Variants in CPM observed in about 807,000 individuals in gnomAD.
The protein encoded by CPM is carboxypeptidase M.
In CPM, 35 loss-of-function variants were observed where a neutral mutation model predicts 46.4. The ratio of observed to expected loss-of-function variants is 0.75; its 90% CI spans 0.58 to 1.00. CPM has a LOEUF of 1.00. Ranked by LOEUF, CPM falls within the 50% of genes least tolerant of loss-of-function variation. The pLI, the probability that CPM is intolerant of heterozygous loss-of-function variation, is 0.00. For missense variants in CPM, 422 were observed against 530.4 expected, an observed-to-expected ratio of 0.80 and a Z score of 2.01; for synonymous variants, 195 against 195.3, an observed-to-expected ratio of 1.00 and a Z score of 0.01.
intron 2 of CPM, among the ~76,000 whole-genome samples, chr12:68,918,756 T>A (rs1178262563): frequency 6.6e-6 from 1 of 152,052 alleles, no homozygotes; most frequent in Non-Finnish European, 1.5e-5. Flanking sequence ...CAAATCACCA[T>A]CATCAACATT....
chr12:68,953,132 A>G (rs1250702534), intron 1 of CPM, among the ~76,000 whole-genome samples: 1 of 152,202 alleles, frequency 6.6e-6, no homozygotes, highest in Non-Finnish European at 1.5e-5. Context: ...AGCACGGGAC[A>G]TTCATACCCA....
At chr12:68,916,671 A>C (rs1887816940) in intron 2 of CPM, among the ~76,000 whole-genome samples, 1 of 152,078 alleles carries the variant, frequency 6.6e-6, no homozygotes, top group Non-Finnish European at 1.5e-5. Context: ...CAGGCAGATC[A>C]CAAGGTCAGG....
intron 2 of CPM, among the ~76,000 whole-genome samples, chr12:68,920,189 C>T (rs1257537704): frequency 2.0e-5 from 3 of 152,352 alleles, no homozygotes; most frequent in Non-Finnish European, 2.9e-5. Flanking sequence ...GCTGGGGCCA[C>T]GCTTGTGCAG....
chr12:68,856,326 C>T lies in CPM; in HGVS notation c.*111G>A, dbSNP rs1274561695. On this transcript the variant is annotated 3_prime_UTR_variant, in exon 9 of 9. Transcript: ENST00000551568. ...ATCCATTTCTCTTCTTCAGGAAGATCGTGGAGTTTCTCCAGTCAAGGTCCC... is the reference window on the plus strand; with the variant it reads ...ATCCATTTCTCTTCTTCAGGAAGATTGTGGAGTTTCTCCAGTCAAGGTCCC... 2.6e-6 allele frequency: 3 copies of T among 1,167,032 alleles called. No individual in the cohort carries two copies. Among genetic ancestry groups the T allele is most frequent in the Admixed American group, 2.3e-5 (1 of 43,768 alleles). 72.3% of individuals were successfully genotyped at this position (1,167,032 alleles called of 1,614,324 possible).
chr12:68,880,519 A>G (rs900486263), intron 3 of CPM, among the ~76,000 whole-genome samples: 1 of 152,232 alleles, frequency 6.6e-6, no homozygotes, highest in Non-Finnish European at 1.5e-5. Context: ...GCAACAACTT[A>G]GTATCCATCC....
intron 3 of CPM, among the ~76,000 whole-genome samples, chr12:68,880,603 A>T (rs1886147594): frequency 6.6e-6 from 1 of 152,198 alleles, no homozygotes; most frequent in South Asian, 2.1e-4. Flanking sequence ...CATTTTAAAA[A>T]CAGAGAAGAG....
chr12:68,878,608 C>A (rs1466681702), intron 3 of CPM, among the ~76,000 whole-genome samples: 2 of 152,188 alleles, frequency 1.3e-5, no homozygotes, highest in Admixed American at 6.5e-5. Flanking sequence ...CCCCAACCCA[C>A]AAAATTATCC....
chr12:68,879,231 C>T (rs973099450), intron 3 of CPM, among the ~76,000 whole-genome samples: 1 of 152,174 alleles, frequency 6.6e-6, no homozygotes, highest in African/African-American at 2.4e-5. Context: ...ATTTTACAAG[C>T]ATATTCAATA....
chr12:68,880,218 G>A (rs1263375665), intron 3 of CPM, among the ~76,000 whole-genome samples: 4 of 152,150 alleles, frequency 2.6e-5, no homozygotes, highest in African/African-American at 7.2e-5. Flanking sequence ...TGCAAATAAT[G>A]TGTGTGCCTG....
Position 68,899,094 on chromosome 12 carries a change from A to G in CPM, c.161-13205T>C, listed in dbSNP as rs1887008066. The stretch of plus-strand genomic sequence containing the variant: ...TTATGCCAAGAGACAGCAGAAATGT[A>G]TGTGCCAGAAGATCTGCACATCAGG... On this transcript the variant is annotated intron_variant, in intron 2 of 8. Transcript: ENST00000551568. 2.0e-5 allele frequency among the ~76,000 whole-genome samples: 3 copies of G among 152,366 alleles called. No homozygotes were observed. In the South Asian group the frequency reaches 6.2e-4, roughly 32 times the overall value.
chr12:68,851,846 A>C lies in CPM; in HGVS notation c.*4591T>G, dbSNP rs1430133994. 6.6e-6 allele frequency: 1 copy of C among 152,198 alleles called. No homozygotes were observed. The allele number at this position is 152,198 out of a possible 1,614,324, so 9.4% of individuals were successfully genotyped here. A position where few individuals can be genotyped will look rare whatever the true frequency, so the allele number is the denominator to read the frequency against. Reference sequence around the variant, plus strand: ...GCTCTTTAACTAGTCTGGTCATCATAATTTTCTCCCCCTTCCCCCTTCTAA... The same window carrying C: ...GCTCTTTAACTAGTCTGGTCATCATCATTTTCTCCCCCTTCCCCCTTCTAA... On this transcript the variant is annotated 3_prime_UTR_variant, in exon 9 of 9. Transcript: ENST00000551568.
chr12:68,846,129 A>AT (rs1390952839), intron 5 of CPM: 1 of 151,852 alleles, frequency 6.6e-6, no homozygotes, highest in African/African-American at 2.4e-5. Context: ...TTTTTTTTGT[A>AT]TTTTTAGTAG....
chr12:68,909,011 T>C (rs1222444678), intron 2 of CPM, among the ~76,000 whole-genome samples: 4 of 152,236 alleles, frequency 2.6e-5, no homozygotes, highest in African/African-American at 7.2e-5. Flanking sequence ...GTTTATCTAA[T>C]GTTGAATTAA....
Position 68,856,632 on chromosome 12 carries a change from C to T in CPM, c.1137G>A (p.Pro379=), listed in dbSNP as rs201687643. ...GAGCACTGAAGTTCTGGGATTTCTC[C>T]GGAATAATCACCTTTGTGATGTGTG... ...HDPHITKVII[P]EKSQNFSALK... is the part of the protein sequence containing the mutation. The change falls in exon 9 of 9, where the codon CCG becomes CCA. Residue 379 remains proline, a synonymous_variant. Coordinates refer to ENST00000551568, the MANE Select transcript of CPM (RefSeq NM_198320.5). 3.8e-5 allele frequency: 61 copies of T among 1,614,152 alleles called. No individual in the cohort carries two copies. Among genetic ancestry groups the T allele is most frequent in the African/African-American group, 5.3e-5 (4 of 75,054 alleles).
chr12:68,958,372 A>T (rs1402114806), intron 1 of CPM, among the ~76,000 whole-genome samples: 1 of 152,120 alleles, frequency 6.6e-6, no homozygotes, highest in Non-Finnish European at 1.5e-5. Context: ...TGACTTAAAA[A>T]GGGGATTTTT....
downstream of CPM, chr12:68,847,209 T>TATATATATATATATATATATATAC (rs1555190258): frequency 2.9e-5 from 4 of 137,084 alleles, no homozygotes; most frequent in African/African-American, 8.8e-5. Flanking sequence ...TATATATATA[T>TATATATATATATATATATATATAC]ATACTTTTTT....
At chr12:68,913,035 G>A (rs560622612) in intron 2 of CPM, among the ~76,000 whole-genome samples, 6 of 151,776 alleles carry the variant, frequency 4.0e-5, no homozygotes, top group African/African-American at 1.4e-4. Flanking sequence ...CTATGGGCAG[G>A]GTCAAGTGTC....
chr12:68,932,586 G>T, intron 2 of CPM, 92 bp downstream of exon 2: 2 of 1,462,848 alleles, frequency 1.4e-6, no homozygotes, highest in South Asian at 1.2e-5. Context: ...GAGTAGGTGC[G>T]TGGAAGAGCA....
At chr12:68,942,635 A>G (rs1330913778) in intron 1 of CPM, among the ~76,000 whole-genome samples, 3 of 152,244 alleles carry the variant, frequency 2.0e-5, no homozygotes, top group Non-Finnish European at 4.4e-5. Flanking sequence ...TAAACAAGAC[A>G]GAACAAATCT....
Sources: gnomAD v4.1 joint callset for allele counts (sites outside exome capture counted in the v4.1 genomes callset) on GRCh38, gnomAD v4.1.1 for gene constraint, MANE v1.5 for transcripts, NCBI Gene and HGNC (gene_info 2026-07-23, HGNC 2026-07-21) for gene names.